Variants in THOC5 observed in about 807,000 individuals in gnomAD.
THOC5 encodes THO complex subunit 5.
Under a neutral mutation model 92.9 loss-of-function variants are expected in THOC5, and 43 were observed. That is an observed-to-expected ratio of 0.46 (90% confidence interval 0.36 to 0.60). The LOEUF (loss-of-function observed/expected upper bound fraction) is 0.60, where lower values mean the gene tolerates loss of function less well. Among genes scored for constraint, THOC5 ranks in the 20% least tolerant of loss-of-function variants. THOC5 has a pLI of 0.00. For missense variants in THOC5, 659 were observed against 849.4 expected, an observed-to-expected ratio of 0.78 and a Z score of 2.79; for synonymous variants, 296 against 320.1, an observed-to-expected ratio of 0.92 and a Z score of 0.80.
At position 29,507,715 on chromosome 22, in the gene THOC5, A is replaced by G. The variant is rs2063151155; in HGVS notation, c.*742T>C. 6.6e-6 allele frequency: 1 copy of G among 152,266 alleles called. No homozygotes were observed. Among genetic ancestry groups the G allele is most frequent in the South Asian group, 2.1e-4 (1 of 4,836 alleles). The allele number at this position is 152,266 out of a possible 1,614,324, so 9.4% of individuals were successfully genotyped here. Reference sequence around the variant, plus strand: ...TTCTCTAGTTTACTGTATTGTAAGAATACAGTGTATAAGATACAAAATATA... The same window carrying G: ...TTCTCTAGTTTACTGTATTGTAAGAGTACAGTGTATAAGATACAAAATATA... On this transcript the variant is annotated 3_prime_UTR_variant, in exon 20 of 20. Transcript: ENST00000490103.
chr22:29,523,058 A>G (rs982973793), intron 12 of THOC5, among the ~76,000 whole-genome samples: 3 of 151,630 alleles, frequency 2.0e-5, no homozygotes, highest in Admixed American at 2.0e-4. Context: ...CCTGGCCAAC[A>G]TGGCAAAACC....
chr22:29,529,271 C>A (rs1264915749), intron 8 of THOC5, 32 bp from the exon 9 acceptor site: 3 of 1,612,386 alleles, frequency 1.9e-6, no homozygotes. Context: ...GTTAGGAAAG[C>A]TGCTGAGGAA....
intron 2 of THOC5, among the ~76,000 whole-genome samples, chr22:29,546,673 C>T (rs952673682): frequency 2.0e-5 from 3 of 152,082 alleles, no homozygotes; most frequent in African/African-American, 7.2e-5. Context: ...CTTCTGACCT[C>T]AAGTGATCCA....
chr22:29,523,553 C>T (rs929347296), intron 12 of THOC5, among the ~76,000 whole-genome samples: 3 of 152,158 alleles, frequency 2.0e-5, no homozygotes, highest in Non-Finnish European at 2.9e-5. Context: ...ACCACAGGGA[C>T]GCAGTCCTCA....
chr22:29,519,208 G>T, intron 14 of THOC5, 88 bp from the exon 15 acceptor site: 1 of 846,940 alleles, frequency 1.2e-6, no homozygotes, highest in Non-Finnish European at 1.9e-6. Flanking sequence ...CCTGTCTGCG[G>T]CACCCTGGAT....
At position 29,544,611 on chromosome 22, in the gene THOC5, G is replaced by A; in HGVS notation, c.97-8C>T. ...ACTGTAGTATTTACCTTCCTGTAGA[G>A]GTAAGGATAAAGGCTCTGTGTGCAT... On this transcript the variant is annotated splice_polypyrimidine_tract_variant and splice_region_variant and intron_variant, in intron 2 of 19. Coordinates refer to ENST00000490103, the MANE Select transcript of THOC5 (RefSeq NM_003678.5). 1 of 1,604,002 alleles carries A rather than the reference G, an allele frequency of 6.2e-7. No homozygotes were observed. Among genetic ancestry groups the A allele is most frequent in the Non-Finnish European group, 8.5e-7 (1 of 1,174,244 alleles).
intron 18 of THOC5, 117 bp from the exon 19 acceptor site, chr22:29,511,413 CA>C: frequency 9.0e-7 from 1 of 1,106,458 alleles, no homozygotes; most frequent in Non-Finnish European, 1.3e-6. Flanking sequence ...GGGGCTGGGC[CA>C]GGGGCTAGGC....
At position 29,531,913 on chromosome 22, in the gene THOC5, G is replaced by A. The variant is rs2063662977; in HGVS notation, c.765C>T (p.His255=). ...EYLFMPFDQA[H]KQYETARHLP... is the part of the protein sequence containing the mutation. ...GGTGTCTGGCTGTCTCATACTGCTT[G>A]TGAGCCTGGTCGAATGGCATAAACA... Residue 255 remains histidine (H), a synonymous_variant, in exon 8 of 20, where the codon CAC becomes CAT. Transcript: ENST00000490103. 1 of 1,614,196 alleles carries A rather than the reference G, an allele frequency of 6.2e-7. No individual in the cohort carries two copies. Among genetic ancestry groups the A allele is most frequent in the Non-Finnish European group, 8.5e-7 (1 of 1,180,040 alleles).
At chr22:29,532,523 G>C (rs533907220) in intron 7 of THOC5, among the ~76,000 whole-genome samples, 1 of 152,028 alleles carries the variant, frequency 6.6e-6, no homozygotes, top group Non-Finnish European at 1.5e-5. Context: ...AAATTAGCTG[G>C]GCGTGGTGGC....
At chr22:29,541,877 A>AT (rs2063898008) in intron 5 of THOC5, among the ~76,000 whole-genome samples, 1 of 63,482 alleles carries the variant, frequency 1.6e-5, no homozygotes, top group Admixed American at 2.3e-4. Context: ...AAAAAAAAAA[A>AT]AAAAAAAAAA....
At chr22:29,529,040 T>C (rs1415224521) in intron 9 of THOC5, 122 bp downstream of exon 9, 6 of 970,624 alleles carry the variant, frequency 6.2e-6, no homozygotes, top group Non-Finnish European at 9.8e-6. Flanking sequence ...TCCAGGGTGC[T>C]AAGACATTCA....
chr22:29,542,940 T>A lies in THOC5; in HGVS notation c.371A>T (p.Asp124Val). Residue 124 changes from aspartate to valine, a missense_variant, in exon 5 of 20, where the codon GAT becomes GTT. Coordinates refer to ENST00000490103, the MANE Select transcript of THOC5 (RefSeq NM_003678.5). ...GTTCTGGAGCTGCAGATGATAGGCA[T>A]CTACTTTCTGCTTAGCCTGAAAGGA... The part of the protein sequence containing the change: ...DQTHEAKQKV[D>V]AYHLQLQNLL... 1 of 1,612,388 alleles carries A rather than the reference T, an allele frequency of 6.2e-7. No individual in the cohort carries two copies.
chr22:29,535,343 T>C (rs1008123383), intron 7 of THOC5: 1 of 132,776 alleles, frequency 7.5e-6, no homozygotes, highest in Non-Finnish European at 1.6e-5. Context: ...AAAAAAAAAG[T>C]GGTATTCAAG....
At chr22:29,515,051 G>A (rs1054946214) in intron 17 of THOC5, among the ~76,000 whole-genome samples, 1 of 146,620 alleles carries the variant, frequency 6.8e-6, no homozygotes. Context: ...TTTTGTTGTT[G>A]TTTTTTTTGA....
Position 29,536,660 on chromosome 22 carries a change from C to T in THOC5, c.678G>A (p.Leu226=), listed in dbSNP as rs1016538793. 4 of 1,613,652 alleles carry T rather than the reference C, an allele frequency of 2.5e-6. No homozygotes were observed. The African/African-American group carries it at 5.3e-5, about 22-fold the overall frequency. Residue 226 remains leucine (L), a synonymous_variant, in exon 7 of 20, where the codon CTG becomes CTA. Transcript: ENST00000490103. Reference sequence around the variant, plus strand: ...TGTTGAGGCGGGGCTGGAGGCTGCTCAGGTACTCCTTCTTCACCTCAATCT... The same window carrying T: ...TGTTGAGGCGGGGCTGGAGGCTGCTTAGGTACTCCTTCTTCACCTCAATCT... ...LKEIEVKKEY[L]SSLQPRLNSI...
chr22:29,530,077 A>G (rs1017554846), intron 8 of THOC5, among the ~76,000 whole-genome samples: 2 of 151,740 alleles, frequency 1.3e-5, no homozygotes, highest in Non-Finnish European at 1.5e-5. Context: ...CAGGAGGTGG[A>G]GGTTACTGTG....
chr22:29,514,296 G>A (rs1209651948), intron 17 of THOC5, among the ~76,000 whole-genome samples: 1 of 150,814 alleles, frequency 6.6e-6, no homozygotes, highest in Non-Finnish European at 1.5e-5. Context: ...AAATGGATCT[G>A]TTGTAGAATG....
At chr22:29,551,182 C>T (rs953707361) in intron 1 of THOC5, among the ~76,000 whole-genome samples, 4 of 152,114 alleles carry the variant, frequency 2.6e-5, no homozygotes, top group African/African-American at 9.7e-5. Context: ...GCCTGTAATC[C>T]CAGCACTTTG....
chr22:29,512,244 T>A, intron 17 of THOC5, 108 bp from the exon 18 acceptor site: 1 of 783,040 alleles, frequency 1.3e-6, no homozygotes, highest in East Asian at 2.7e-5. Context: ...CTCCTATTAA[T>A]CTGAATGCTG....
Sources: gnomAD v4.1 joint callset for allele counts (sites outside exome capture counted in the v4.1 genomes callset) on GRCh38, gnomAD v4.1.1 for gene constraint, MANE v1.5 for transcripts, NCBI Gene and HGNC (gene_info 2026-07-23, HGNC 2026-07-21) for gene names.